Variants in IGF2BP2 observed in about 807,000 individuals in gnomAD.
The protein encoded by IGF2BP2 is insulin like growth factor 2 mRNA binding protein 2, also known as insulin-like growth factor 2 mRNA-binding protein 2.
IGF2BP2 carries 17 observed loss-of-function variants against 75.8 expected under a neutral mutation model. The observed-to-expected ratio is 0.22, with a 90% confidence interval of 0.15 to 0.34. The LOEUF is 0.34. Ranked by LOEUF, IGF2BP2 falls within the 10% of genes least tolerant of loss-of-function variation. The pLI is 1.00. For missense variants in IGF2BP2, 516 were observed against 772.4 expected, an observed-to-expected ratio of 0.67 and a Z score of 3.93; for synonymous variants, 288 against 295.6, an observed-to-expected ratio of 0.97 and a Z score of 0.26.
At chr3:185,749,428 T>C (rs1283776110) in intron 2 of IGF2BP2, among the ~76,000 whole-genome samples, 2 of 152,214 alleles carry the variant, frequency 1.3e-5, no homozygotes, top group Non-Finnish European at 2.9e-5. Context: ...GTAACAATTA[T>C]AATGAATGCT....
At chr3:185,805,164 T>C (rs1560498936) in intron 2 of IGF2BP2, among the ~76,000 whole-genome samples, 1 of 152,094 alleles carries the variant, frequency 6.6e-6, no homozygotes, top group African/African-American at 2.4e-5. Context: ...GGCCCAGAAG[T>C]ATTTCTGAAA....
chr3:185,815,732 A>C (rs1430840911), intron 2 of IGF2BP2, among the ~76,000 whole-genome samples: 1 of 150,818 alleles, frequency 6.6e-6, no homozygotes, highest in Non-Finnish European at 1.5e-5. Context: ...TCTTTCACCT[A>C]TTTTTTTTTC....
At chr3:185,737,799 A>G (rs1466517092) in intron 2 of IGF2BP2, among the ~76,000 whole-genome samples, 1 of 152,244 alleles carries the variant, frequency 6.6e-6, no homozygotes, top group South Asian at 2.1e-4. Flanking sequence ...GGTCATCCCC[A>G]GTTCTTAGAC....
intron 7 of IGF2BP2, 23 bp downstream of exon 7, chr3:185,687,034 C>A (rs767224199): frequency 1.2e-6 from 2 of 1,608,282 alleles, no homozygotes; most frequent in Non-Finnish European, 1.7e-6. Flanking sequence ...GTTGAGTGAT[C>A]TGGGCATTGC....
intron 2 of IGF2BP2, among the ~76,000 whole-genome samples, chr3:185,787,754 C>T (rs932928102): frequency 1.3e-5 from 2 of 151,760 alleles, no homozygotes; most frequent in East Asian, 1.9e-4. Flanking sequence ...ACAGTTTGCA[C>T]GAGTTACAAA....
Position 185,665,440 on chromosome 3 carries a change from AAGG to A in IGF2BP2, c.1201-7034_1201-7032del, listed in dbSNP as rs1157799705. Among the ~76,000 whole-genome samples, 60 of 55,518 alleles carry A rather than the reference AAGG, an allele frequency of 1.1e-3. 2 individuals carry two copies. Among genetic ancestry groups the A allele is most frequent in the Admixed American group, 2.1e-3 (11 of 5,152 alleles). 36.4% of individuals were successfully genotyped at this position (55,518 alleles called of 152,430 possible). ...GGAGAAGGAGAAGGAGGAGGAGGAG[AAGG>A]AGGAGGAGGAGGAGAAGAAGAAGAA... On this transcript the variant is annotated intron_variant, in intron 10 of 15. Transcript: ENST00000382199.
At chr3:185,764,517 A>G (rs1732792799) in intron 2 of IGF2BP2, among the ~76,000 whole-genome samples, 1 of 152,174 alleles carries the variant, frequency 6.6e-6, no homozygotes, top group African/African-American at 2.4e-5. Context: ...ACAGACAAGA[A>G]GCCCTTGATG....
intron 1 of IGF2BP2, 126 bp downstream of exon 1, chr3:185,824,657 G>A: frequency 1.6e-5 from 9 of 557,918 alleles, no homozygotes; most frequent in Non-Finnish European, 2.4e-5. Flanking sequence ...GGTCTGGTGC[G>A]TGGAAGTGAG....
At chr3:185,810,020 T>C (rs1739586221) in intron 2 of IGF2BP2, among the ~76,000 whole-genome samples, 2 of 152,314 alleles carry the variant, frequency 1.3e-5, no homozygotes, top group Middle Eastern at 3.4e-3. Context: ...AGCCAAATAT[T>C]AATAAAATCC....
intron 7 of IGF2BP2, among the ~76,000 whole-genome samples, chr3:185,682,938 T>C (rs1001660845): frequency 1.3e-5 from 2 of 152,228 alleles, no homozygotes; most frequent in African/African-American, 4.8e-5. Flanking sequence ...ATCTCACTTC[T>C]TGGCACATAT....
intron 2 of IGF2BP2, among the ~76,000 whole-genome samples, chr3:185,771,296 C>A (rs551230525): frequency 6.6e-6 from 1 of 152,136 alleles, no homozygotes; most frequent in South Asian, 2.1e-4. Flanking sequence ...TAAAAAATAG[C>A]CAGGTGTGGT....
chr3:185,754,576 G>C (rs1731358319), intron 2 of IGF2BP2, among the ~76,000 whole-genome samples: 1 of 152,194 alleles, frequency 6.6e-6, no homozygotes, highest in African/African-American at 2.4e-5. Flanking sequence ...CTCAGAAGAA[G>C]ACATTAAGAT....
chr3:185,799,400 G>C (rs1737878193), intron 2 of IGF2BP2, among the ~76,000 whole-genome samples: 1 of 151,940 alleles, frequency 6.6e-6, no homozygotes, highest in Non-Finnish European at 1.5e-5. Context: ...GACTGTCACA[G>C]AGACAAAACC....
At position 185,645,738 on chromosome 3, in the gene IGF2BP2, C is replaced by A. The variant is rs533423572; in HGVS notation, c.1708-115G>T. The stretch of plus-strand genomic sequence containing the variant: ...GGGGATGAAGGGTGGAATGCTCAGA[C>A]AAGCATCATCTACCCACCCCCGCAC... On this transcript the variant is annotated intron_variant, in intron 15 of 15. Transcript: ENST00000382199. This position sits in a 1 kb window ranked among gnomAD's most constrained non-coding sequence, Gnocchi z 4.9. 1.1e-5 allele frequency: 8 copies of A among 737,322 alleles called. No homozygotes were observed. Among genetic ancestry groups the A allele is most frequent in the South Asian group, 9.4e-5 (6 of 63,572 alleles). The allele number at this position is 737,322 out of a possible 1,614,324, so 45.7% of individuals were successfully genotyped here.
chr3:185,783,107 T>C (rs1735411981), intron 2 of IGF2BP2, among the ~76,000 whole-genome samples: 1 of 152,184 alleles, frequency 6.6e-6, no homozygotes. Context: ...GATAAAAGGA[T>C]AGTGATAAGA....
At chr3:185,740,324 C>T (rs1729381455) in intron 2 of IGF2BP2, among the ~76,000 whole-genome samples, 1 of 152,194 alleles carries the variant, frequency 6.6e-6, no homozygotes, top group Admixed American at 6.5e-5. Context: ...TAATCAACAG[C>T]ACCTACTATG....
chr3:185,661,635 CAAAA>C (rs562781189), intron 10 of IGF2BP2, among the ~76,000 whole-genome samples: 2 of 39,610 alleles, frequency 5.0e-5, no homozygotes, highest in Non-Finnish European at 1.1e-4. Flanking sequence ...AAGACTGTCT[CAAAA>C]AAAAAAAAAA....
intron 2 of IGF2BP2, among the ~76,000 whole-genome samples, chr3:185,822,406 C>A (rs1007420056): frequency 7.9e-5 from 12 of 152,144 alleles, no homozygotes; most frequent in African/African-American, 2.9e-4. Flanking sequence ...AAACTTTAAA[C>A]AAAGATGTTT....
chr3:185,687,140 G>T lies in IGF2BP2; in HGVS notation c.729C>A (p.Thr243=). The change falls in exon 7 of 16, where the codon ACC becomes ACA. Residue 243 remains threonine, a synonymous_variant. Transcript: ENST00000382199. ...AAGTCCCCTCTGGGGTGGCATGGAT[G>T]GTGACAGGCTTCTCTGCAGCTCCAG... ...ENSGAAEKPV[T]IHATPEGTSE... 1 of 1,613,674 alleles carries T rather than the reference G, an allele frequency of 6.2e-7. No individual in the cohort carries two copies. The highest frequency in any genetic ancestry group is 8.5e-7 in the Non-Finnish European group (1 of 1,179,898).
Sources: gnomAD v4.1 joint callset for allele counts (sites outside exome capture counted in the v4.1 genomes callset) on GRCh38, gnomAD v4.1.1 for gene constraint, Gnocchi (gnomAD v3.1) non-coding constraint, MANE v1.5 for transcripts, NCBI Gene and HGNC (gene_info 2026-07-23, HGNC 2026-07-21) for gene names.